Variants in WWOX observed in about 807,000 individuals in gnomAD.
WWOX encodes WW domain containing oxidoreductase.
In WWOX, 69 loss-of-function variants were observed where a neutral mutation model predicts 46.2. That is an observed-to-expected ratio of 1.49 (90% confidence interval 1.23 to 1.82). WWOX has a LOEUF of 1.82. Ranked by LOEUF, WWOX falls within the 40% of genes most tolerant of loss-of-function variation. WWOX has a pLI of 0.00. For missense variants in WWOX, 919 were observed against 542.6 expected, an observed-to-expected ratio of 1.69 and a Z score of -6.89; for synonymous variants, 359 against 202.6, an observed-to-expected ratio of 1.77 and a Z score of -6.56.
At chr16:78,344,819 A>G (rs1329420408) in intron 5 of WWOX, among the ~76,000 whole-genome samples, 1 of 121,666 alleles carries the variant, frequency 8.2e-6, no homozygotes, top group Non-Finnish European at 2.0e-5. Flanking sequence ...AAGTGCATCA[A>G]GCTCTTGTTA....
chr16:78,952,682 C>T (rs2046086016), intron 8 of WWOX, among the ~76,000 whole-genome samples: 1 of 152,138 alleles, frequency 6.6e-6, no homozygotes, highest in Non-Finnish European at 1.5e-5. Flanking sequence ...CCACACCTGG[C>T]CTGTTTTTGT....
intron 8 of WWOX, among the ~76,000 whole-genome samples, chr16:78,746,413 A>T (rs1488682458): frequency 6.6e-6 from 1 of 152,128 alleles, no homozygotes; most frequent in African/African-American, 2.4e-5. Context: ...CAGGAGGATC[A>T]ACTGAGCCCA....
chr16:78,361,925 T>C (rs1463545748), intron 5 of WWOX, among the ~76,000 whole-genome samples: 1 of 151,830 alleles, frequency 6.6e-6, no homozygotes, highest in South Asian at 2.1e-4. Context: ...CCCCCGTTTA[T>C]TTCTGATTCA....
intron 8 of WWOX, among the ~76,000 whole-genome samples, chr16:79,163,814 A>G (rs1489620281): frequency 9.5e-5 from 14 of 146,904 alleles, no homozygotes; most frequent in East Asian, 4.0e-4. Flanking sequence ...AAAAAAAAAA[A>G]AAAGAGAGAG....
intron 8 of WWOX, among the ~76,000 whole-genome samples, chr16:79,145,227 T>C (rs529361840): frequency 6.6e-5 from 10 of 152,348 alleles, no homozygotes; most frequent in African/African-American, 2.4e-4. Flanking sequence ...AGAACAATTT[T>C]ATGGTTCTAT....
intron 8 of WWOX, among the ~76,000 whole-genome samples, chr16:79,023,746 C>G (rs901816536): frequency 4.6e-5 from 7 of 150,946 alleles, no homozygotes; most frequent in Non-Finnish European, 7.4e-5. Flanking sequence ...GTGGTGATAC[C>G]CCATCTCTAC....
intron 8 of WWOX, among the ~76,000 whole-genome samples, chr16:78,611,831 G>C (rs969458254): frequency 6.6e-6 from 1 of 152,192 alleles, no homozygotes; most frequent in Non-Finnish European, 1.5e-5. Context: ...ACAGTGGTGA[G>C]ACCAAAGGAT....
chr16:79,159,307 G>T (rs1315424066), intron 8 of WWOX, among the ~76,000 whole-genome samples: 1 of 152,192 alleles, frequency 6.6e-6, no homozygotes, highest in Admixed American at 6.5e-5. Context: ...ACAGCTAAAT[G>T]AAATTATAAA....
At chr16:79,039,127 T>C (rs1411676787) in intron 8 of WWOX, among the ~76,000 whole-genome samples, 1 of 152,210 alleles carries the variant, frequency 6.6e-6, no homozygotes, top group Non-Finnish European at 1.5e-5. Context: ...ATGAAAGTTC[T>C]GACTGTTTTA....
At chr16:79,041,102 C>A (rs769608578) in intron 8 of WWOX, among the ~76,000 whole-genome samples, 2 of 152,008 alleles carry the variant, frequency 1.3e-5, no homozygotes, top group African/African-American at 4.8e-5. Context: ...TAATTCATTA[C>A]GTGTGTTGTC....
intron 8 of WWOX, among the ~76,000 whole-genome samples, chr16:78,920,762 C>T (rs938517950): frequency 6.6e-6 from 1 of 152,138 alleles, no homozygotes; most frequent in Non-Finnish European, 1.5e-5. Flanking sequence ...CTGCAAAACA[C>T]GACTTTTCTC....
chr16:79,175,764 C>A (rs927582581), intron 8 of WWOX, among the ~76,000 whole-genome samples: 2 of 152,192 alleles, frequency 1.3e-5, no homozygotes, highest in African/African-American at 2.4e-5. Flanking sequence ...ATACGACTTA[C>A]ACATTCCCAT....
chr16:78,317,281 G>GTCTGTCTCTCTCTGTCTCTGTT (rs2080374278), intron 5 of WWOX, among the ~76,000 whole-genome samples: 1 of 152,026 alleles, frequency 6.6e-6, no homozygotes, highest in Non-Finnish European at 1.5e-5. Flanking sequence ...CTCTCTCTCT[G>GTCTGTCTCTCTCTGTCTCTGTT]TCTGTCTCTC....
chr16:78,231,192 G>A (rs1357935249), intron 5 of WWOX, among the ~76,000 whole-genome samples: 1 of 152,156 alleles, frequency 6.6e-6, no homozygotes, highest in Non-Finnish European at 1.5e-5. Flanking sequence ...ATTTGCTCTT[G>A]CAGTTTTCCT....
chr16:79,028,644 A>G (rs1567498457), intron 8 of WWOX, among the ~76,000 whole-genome samples: 1 of 151,678 alleles, frequency 6.6e-6, no homozygotes, highest in Non-Finnish European at 1.5e-5. Context: ...TTGGGGGGAA[A>G]AAACGCTTCA....
chr16:78,822,199 A>C (rs2051517326), intron 8 of WWOX, among the ~76,000 whole-genome samples: 1 of 152,168 alleles, frequency 6.6e-6, no homozygotes, highest in South Asian at 2.1e-4. Context: ...TTAGTGTCAA[A>C]AAATCTACGT....
chr16:78,609,662 C>G (rs952588450), intron 8 of WWOX, among the ~76,000 whole-genome samples: 1 of 151,962 alleles, frequency 6.6e-6, no homozygotes, highest in Non-Finnish European at 1.5e-5. Context: ...TGCAGCCTGT[C>G]TTTGGACATC....
At chr16:78,732,873 C>G (rs1304763917) in intron 8 of WWOX, among the ~76,000 whole-genome samples, 1 of 152,188 alleles carries the variant, frequency 6.6e-6, no homozygotes, top group Non-Finnish European at 1.5e-5. Context: ...GGTTTGACTT[C>G]TTTCTTTCTT....
At chr16:78,667,991 C>T (rs1361895105) in intron 8 of WWOX, among the ~76,000 whole-genome samples, 1 of 152,044 alleles carries the variant, frequency 6.6e-6, no homozygotes, top group East Asian at 2.0e-4. Context: ...CAAAACCATA[C>T]AACTTGGCTG....
Sources: allele counts gnomAD v4.1 joint callset (sites outside exome capture counted in the v4.1 genomes callset), GRCh38; gene constraint gnomAD v4.1.1; transcripts MANE v1.5; gene names NCBI Gene and HGNC (gene_info 2026-07-23, HGNC 2026-07-21).